The following SPIN1 variants were observed in gnomAD, a reference collection of about 807,000 sequenced individuals.
The protein encoded by SPIN1 is spindlin-1.
A neutral mutation model predicts 26.0 loss-of-function variants in SPIN1; 3 were observed. The observed-to-expected ratio is 0.12, with a 90% CI of 0.05 to 0.30. The LOEUF is 0.30. Among genes scored for constraint, SPIN1 ranks in the 10% least tolerant of loss-of-function variants. The pLI, the probability that SPIN1 is intolerant of heterozygous loss-of-function variation, is 1.00. For synonymous variants in SPIN1, 101 were observed against 116.5 expected, an observed-to-expected ratio of 0.87 and a Z score of 0.86; for missense variants, 126 against 333.4, an observed-to-expected ratio of 0.38 and a Z score of 4.84.
intron 1 of SPIN1, chr9:88,410,530 TA>T (rs1827421041): frequency 5.0e-6 from 4 of 793,684 alleles, no homozygotes; most frequent in East Asian, 4.9e-5. Context: ...GTTACCTAAT[TA>T]AAATCTTCTG....
At chr9:88,441,435 G>A (rs567679996) in intron 2 of SPIN1, among the ~76,000 whole-genome samples, 6 of 148,476 alleles carry the variant, frequency 4.0e-5, no homozygotes, top group Admixed American at 3.3e-4. Flanking sequence ...GCGCCCATGT[G>A]TGTGTACATA....
At chr9:88,449,348 G>GT (rs1828313796) in intron 3 of SPIN1, among the ~76,000 whole-genome samples, 2 of 152,104 alleles carry the variant, frequency 1.3e-5, no homozygotes, top group African/African-American at 4.8e-5. Flanking sequence ...TTGGTCCACT[G>GT]TTTGACAAGG....
At chr9:88,449,316 G>C (rs1017823616) in intron 3 of SPIN1, among the ~76,000 whole-genome samples, 2 of 151,998 alleles carry the variant, frequency 1.3e-5, no homozygotes, top group African/African-American at 4.8e-5. Flanking sequence ...TGAGCCTTGC[G>C]TGCAGGCTTC....
At chr9:88,407,037 C>G (rs1051362284) in intron 1 of SPIN1, among the ~76,000 whole-genome samples, 1 of 151,300 alleles carries the variant, frequency 6.6e-6, no homozygotes, top group Non-Finnish European at 1.5e-5. Context: ...ACATTTTCTT[C>G]TGCCCGAAGA....
chr9:88,466,983 C>T (rs919269405), intron 4 of SPIN1, among the ~76,000 whole-genome samples: 2 of 152,156 alleles, frequency 1.3e-5, no homozygotes, highest in South Asian at 2.1e-4. Context: ...GTGATTCGCC[C>T]GCCTTGGACT....
chr9:88,465,368 A>C (rs941483880), intron 4 of SPIN1, among the ~76,000 whole-genome samples: 1 of 152,202 alleles, frequency 6.6e-6, no homozygotes, highest in African/African-American at 2.4e-5. Context: ...AGGTAGAACT[A>C]CCATACTGTT....
At chr9:88,471,242 T>G (rs1334817735) in intron 5 of SPIN1, among the ~76,000 whole-genome samples, 2 of 152,198 alleles carry the variant, frequency 1.3e-5, no homozygotes, top group African/African-American at 4.8e-5. Context: ...AGATCTTTGA[T>G]GCATTTTCAA....
chr9:88,389,167 T>C (rs1036470513), intron 1 of SPIN1, among the ~76,000 whole-genome samples: 19 of 152,160 alleles, frequency 1.2e-4, no homozygotes, highest in African/African-American at 4.3e-4. Context: ...CGGCCAGTCC[T>C]CGCGCCCGCG....
intron 2 of SPIN1, among the ~76,000 whole-genome samples, chr9:88,428,853 C>A (rs573043449): frequency 6.6e-6 from 1 of 151,986 alleles, no homozygotes; most frequent in Non-Finnish European, 1.5e-5. Context: ...AAAAACAAAC[C>A]AAAGTGTTTT....
chr9:88,464,687 C>T (rs779018461), intron 4 of SPIN1, among the ~76,000 whole-genome samples: 1 of 152,142 alleles, frequency 6.6e-6, no homozygotes, highest in Non-Finnish European at 1.5e-5. Context: ...ATGAGCAGTG[C>T]ATGGTACCAC....
At chr9:88,449,871 G>GC (rs1828324471) in intron 3 of SPIN1, among the ~76,000 whole-genome samples, 1 of 152,148 alleles carries the variant, frequency 6.6e-6, no homozygotes, top group Non-Finnish European at 1.5e-5. Context: ...GAAAGTGTAT[G>GC]CCCCTTAGCC....
intron 1 of SPIN1, among the ~76,000 whole-genome samples, chr9:88,394,767 A>C (rs111824354): frequency 8.1e-5 from 12 of 148,386 alleles, no homozygotes; most frequent in Non-Finnish European, 1.5e-4. Context: ...GTTTGCCTGA[A>C]ATTCTTCCTT....
At chr9:88,411,695 AG>A (rs1456093206) in intron 1 of SPIN1, among the ~76,000 whole-genome samples, 3 of 151,910 alleles carry the variant, frequency 2.0e-5, no homozygotes, top group Non-Finnish European at 4.4e-5. Flanking sequence ...TTAAATTTTT[AG>A]TAGAGATGAG....
chr9:88,457,717 CA>C (rs1025478604), intron 3 of SPIN1: 10 of 533,038 alleles, frequency 1.9e-5, no homozygotes, highest in African/African-American at 1.9e-4. Flanking sequence ...GGGATAAGGG[CA>C]AAATAATAAT....
rs751264956 is a variant in SPIN1, at chr9:88,448,924, A to ACT, written c.53-15_53-14dup. On this transcript the variant is annotated splice_polypyrimidine_tract_variant and intron_variant, in intron 2 of 5. Coordinates refer to ENST00000375859, the MANE Select transcript of SPIN1 (RefSeq NM_006717.3). Reference sequence around the variant, plus strand: ...TTTATCTGGTTTTCATTGACTATATACTCATCTCTCTTACAGGCCATGCTG... The same window carrying ACT: ...TTTATCTGGTTTTCATTGACTATATACTCTCATCTCTCTTACAGGCCATGCTG... 10 of 1,612,300 alleles carry ACT rather than the reference A, an allele frequency of 6.2e-6. No homozygotes were observed. Among genetic ancestry groups the ACT allele is most frequent in the Non-Finnish European group, 6.8e-6 (8 of 1,179,210 alleles).
intron 5 of SPIN1, among the ~76,000 whole-genome samples, chr9:88,470,687 T>C (rs2118225934): frequency 6.6e-6 from 1 of 150,960 alleles, no homozygotes; most frequent in South Asian, 2.2e-4. Flanking sequence ...CTCCGCCTAC[T>C]GGGTTCAAGC....
chr9:88,398,584 A>G (rs929624710), intron 1 of SPIN1, among the ~76,000 whole-genome samples: 4 of 151,878 alleles, frequency 2.6e-5, no homozygotes, highest in Non-Finnish European at 5.9e-5. Context: ...ACTTTTATTT[A>G]TTTATTTTGA....
intron 1 of SPIN1, chr9:88,411,227 AC>A (rs1308164262): frequency 6.0e-6 from 7 of 1,168,940 alleles, no homozygotes; most frequent in Non-Finnish European, 8.9e-6. Flanking sequence ...TCTTCTGTTC[AC>A]CTTGTGTGGC....
intron 2 of SPIN1, among the ~76,000 whole-genome samples, chr9:88,436,975 C>T (rs1473300702): frequency 7.9e-5 from 12 of 151,616 alleles, no homozygotes; most frequent in South Asian, 4.2e-4. Flanking sequence ...CCGTTTTAGC[C>T]GGGATGGTCT....
Sources: allele counts gnomAD v4.1 joint callset (sites outside exome capture counted in the v4.1 genomes callset), GRCh38; gene constraint gnomAD v4.1.1; transcripts MANE v1.5; gene names NCBI Gene and HGNC (gene_info 2026-07-23, HGNC 2026-07-21).